Variants in XIRP2 observed in about 807,000 individuals in gnomAD.
The protein encoded by XIRP2 is xin actin-binding repeat-containing protein 2.
XIRP2 carries 236 observed loss-of-function variants against 277.0 expected under a neutral mutation model. That is an observed-to-expected ratio of 0.85 (90% CI 0.77 to 0.95). The LOEUF is 0.95. Ranked by LOEUF, XIRP2 falls within the 40% of genes least tolerant of loss-of-function variation. XIRP2 has a pLI of 0.00. For synonymous variants in XIRP2, 1,490 were observed against 1,416.5 expected, an observed-to-expected ratio of 1.05 and a Z score of -1.17; for missense variants, 4,640 against 4,157.5, an observed-to-expected ratio of 1.12 and a Z score of -3.19.
intron 3 of XIRP2, among the ~76,000 whole-genome samples, chr2:167,182,295 A>AT (rs1383543682): frequency 4.6e-5 from 7 of 152,172 alleles, no homozygotes; most frequent in Non-Finnish European, 1.0e-4. Flanking sequence ...TTTCATATTC[A>AT]TATGTTTGCT....
intron 2 of XIRP2, among the ~76,000 whole-genome samples, chr2:166,927,021 C>T (rs1345073127): frequency 2.0e-5 from 3 of 152,116 alleles, no homozygotes; most frequent in Non-Finnish European, 4.4e-5. Context: ...TTAAAACACT[C>T]ATGCTCAACA....
At chr2:167,190,429 G>C (rs946036177) in intron 3 of XIRP2, among the ~76,000 whole-genome samples, 1 of 152,040 alleles carries the variant, frequency 6.6e-6, no homozygotes, top group Non-Finnish European at 1.5e-5. Flanking sequence ...GCATAAAAAA[G>C]TCATTCTCGG....
rs779401246 is a variant in XIRP2, at chr2:167,248,214, C to G, written c.6822C>G (p.Ile2274Met). Residue 2274 changes from isoleucine (I) to methionine (M), a missense_variant, in exon 9 of 11, where the codon ATC becomes ATG. By Grantham distance (10) the Ile-to-Met change is conservative (BLOSUM62 1). Transcript: ENST00000409195. Reference sequence around the variant, plus strand: ...CAATGGAAAGGTCCTTGAATCCAATCAACTTTAACCCTGAGAATAATGTAA... The same window carrying G: ...CAATGGAAAGGTCCTTGAATCCAATGAACTTTAACCCTGAGAATAATGTAA... ...KMAMERSLNPINFNPENNVKE... is the reference protein window; with the variant it reads ...KMAMERSLNPMNFNPENNVKE... 1 of 1,613,734 alleles carries G rather than the reference C, an allele frequency of 6.2e-7. No individual in the cohort carries two copies. Among genetic ancestry groups the G allele is most frequent in the Admixed American group, 1.7e-5 (1 of 59,972 alleles).
chr2:167,091,298 C>G (rs1219322812), intron 2 of XIRP2, among the ~76,000 whole-genome samples: 1 of 152,012 alleles, frequency 6.6e-6, no homozygotes, highest in Non-Finnish European at 1.5e-5. Context: ...ATTCTTTCTC[C>G]CCTGCCACTT....
At chr2:166,964,399 TA>T (rs1686374593) in intron 2 of XIRP2, among the ~76,000 whole-genome samples, 1 of 151,876 alleles carries the variant, frequency 6.6e-6, no homozygotes, top group Admixed American at 6.6e-5. Context: ...TCTAGCTCTA[TA>T]TTTTTTTAAG....
chr2:167,012,918 T>A (rs1687721965), intron 2 of XIRP2, among the ~76,000 whole-genome samples: 1 of 151,466 alleles, frequency 6.6e-6, no homozygotes, highest in South Asian at 2.1e-4. Flanking sequence ...AGTTCATCAT[T>A]GGTTCTTTCA....
At chr2:167,029,044 A>C (rs1225493705) in intron 2 of XIRP2, among the ~76,000 whole-genome samples, 1 of 151,920 alleles carries the variant, frequency 6.6e-6, no homozygotes, top group Admixed American at 6.6e-5. Context: ...AAGAATGAAA[A>C]ACAATGAAAC....
chr2:167,246,847 G>A lies in XIRP2; in HGVS notation c.5455G>A (p.Val1819Ile), dbSNP rs1056003810. Residue 1819 changes from valine to isoleucine, a missense_variant, in exon 9 of 11, where the codon GTT becomes ATT. Val to Ile is a conservative substitution (Grantham distance 29). Coordinates refer to ENST00000409195, the MANE Select transcript of XIRP2 (RefSeq NM_152381.6). ...IPGDVHNTVK[V>I]FMTEPQSTFG... ...TGGAGATGTGCATAACACAGTTAAGGTTTTTATGACCGAGCCTCAGAGTAC... is the reference window on the plus strand; with the variant it reads ...TGGAGATGTGCATAACACAGTTAAGATTTTTATGACCGAGCCTCAGAGTAC... The A allele has an allele frequency of 2.5e-6, 4 of 1,613,826 alleles. No homozygotes were observed. The South Asian group carries it at 4.4e-5, about 18-fold the overall frequency.
chr2:167,142,542 A>G (rs557942772), intron 3 of XIRP2, among the ~76,000 whole-genome samples: 46 of 152,168 alleles, frequency 3.0e-4, no homozygotes, highest in African/African-American at 1.1e-3. Context: ...GCAAGGCTCC[A>G]TCACAAAAAA....
At chr2:167,021,957 T>C (rs932837008) in intron 2 of XIRP2, among the ~76,000 whole-genome samples, 3 of 152,154 alleles carry the variant, frequency 2.0e-5, no homozygotes, top group African/African-American at 7.2e-5. Context: ...ACCATATTAA[T>C]ACCTTTCCAT....
intron 2 of XIRP2, among the ~76,000 whole-genome samples, chr2:166,977,178 T>A (rs1686737621): frequency 1.3e-5 from 2 of 152,182 alleles, no homozygotes. Flanking sequence ...TTGGCCATGA[T>A]GTACTTAGCT....
chr2:166,978,792 G>A (rs1686786260), intron 2 of XIRP2, among the ~76,000 whole-genome samples: 2 of 152,036 alleles, frequency 1.3e-5, no homozygotes, highest in African/African-American at 4.8e-5. Flanking sequence ...ACCAGCCTGG[G>A]CAACACAGTG....
chr2:166,926,983 C>G (rs1480618318), intron 2 of XIRP2, among the ~76,000 whole-genome samples: 1 of 152,250 alleles, frequency 6.6e-6, no homozygotes, highest in East Asian at 1.9e-4. Flanking sequence ...CAAAGGTGAG[C>G]ATGGCTCATT....
Position 167,247,589 on chromosome 2 carries a change from C to CTGATA in XIRP2, c.6198_6202dup (p.Thr2068MetfsTer14), listed in dbSNP as rs754682919. On this transcript the variant is annotated frameshift_variant, in exon 9 of 11. Coordinates refer to ENST00000409195, the MANE Select transcript of XIRP2 (RefSeq NM_152381.6). LOFTEE classifies it high-confidence loss of function. Reference sequence around the variant, plus strand: ...TCAGGAGACAAAACGGGTGTCTGGACTGATACTACAGGAGAACAGCATCTT... The same window carrying CTGATA: ...TCAGGAGACAAAACGGGTGTCTGGACTGATATGATACTACAGGAGAACAGCATCTT... The CTGATA allele has an allele frequency of 5.6e-6, 9 of 1,613,518 alleles. No individual in the cohort carries two copies. The African/African-American group carries it at 1.2e-4, about 22-fold the overall frequency.
intron 2 of XIRP2, among the ~76,000 whole-genome samples, chr2:167,120,978 T>C (rs768051590): frequency 2.6e-5 from 4 of 152,188 alleles, no homozygotes; most frequent in Non-Finnish European, 5.9e-5. Flanking sequence ...ATGTCTACTC[T>C]ACAAAATGTG....
At chr2:166,968,406 C>T (rs758378642) in intron 2 of XIRP2, among the ~76,000 whole-genome samples, 1 of 151,926 alleles carries the variant, frequency 6.6e-6, no homozygotes, top group African/African-American at 2.4e-5. Context: ...ATACGGAGAA[C>T]AGAAACAGAA....
intron 2 of XIRP2, among the ~76,000 whole-genome samples, chr2:167,034,135 G>A (rs1236237825): frequency 2.0e-4 from 31 of 152,198 alleles, no homozygotes; most frequent in South Asian, 2.1e-4. Flanking sequence ...AAAAAGAATG[G>A]GGATGAAGTT....
chr2:167,250,944 A>G lies in XIRP2; in HGVS notation c.9552A>G (p.Arg3184=). 6.2e-7 allele frequency: 1 copy of G among 1,613,520 alleles called. No homozygotes were observed. The highest frequency in any genetic ancestry group is 8.5e-7 in the Non-Finnish European group (1 of 1,179,702). Reference sequence around the variant, plus strand: ...GGAGTCGCTCTGAACAACTTGTCAGACTCAAAGACACCACTGCAAAGTTAT... The same window carrying G: ...GGAGTCGCTCTGAACAACTTGTCAGGCTCAAAGACACCACTGCAAAGTTAT... ...PPRSRSEQLV[R]LKDTTAKLSK... Residue 3184 remains arginine, a synonymous_variant, in exon 9 of 11, where the codon AGA becomes AGG. Transcript: ENST00000409195.
chr2:167,021,668 A>G (rs951698787), intron 2 of XIRP2, among the ~76,000 whole-genome samples: 11 of 151,896 alleles, frequency 7.2e-5, no homozygotes, highest in Non-Finnish European at 5.9e-5. Context: ...TCTACAAAAA[A>G]TAAAAAATTA....
Sources: allele counts gnomAD v4.1 joint callset (sites outside exome capture counted in the v4.1 genomes callset), GRCh38; gene constraint gnomAD v4.1.1; transcripts MANE v1.5; gene names NCBI Gene and HGNC (gene_info 2026-07-23, HGNC 2026-07-21).